The following TRANK1 variants were observed in gnomAD, a reference collection of about 807,000 sequenced individuals.
TRANK1 encodes tetratricopeptide repeat and ankyrin repeat containing 1.
Under a neutral mutation model 266.0 loss-of-function variants are expected in TRANK1, and 198 were observed. The ratio of observed to expected loss-of-function variants is 0.74; its 90% CI spans 0.66 to 0.84. TRANK1 has a LOEUF of 0.84. TRANK1 is among the 40% of genes least tolerant of loss of function. The pLI is 0.00. For missense variants in TRANK1, 3,326 were observed against 3,634.6 expected (o/e 0.92, Z 2.18); for synonymous variants, 1,396 against 1,384.1 (o/e 1.01, Z -0.19).
chr3:36,906,507 C>T (rs1325675708), intron 2 of TRANK1, among the ~76,000 whole-genome samples: 1 of 152,120 alleles, frequency 6.6e-6, no homozygotes, highest in Non-Finnish European at 1.5e-5. Context: ...TTGTGATTAA[C>T]AAATGATGTA....
chr3:36,901,456 T>TTA (rs2079881809), intron 3 of TRANK1, among the ~76,000 whole-genome samples: 1 of 152,172 alleles, frequency 6.6e-6, no homozygotes, highest in Non-Finnish European at 1.5e-5. Flanking sequence ...CTCTTTTCCT[T>TTA]TATCTTGTCG....
At chr3:36,907,558 G>A (rs774477906) in intron 2 of TRANK1, among the ~76,000 whole-genome samples, 5 of 145,372 alleles carry the variant, frequency 3.4e-5, no homozygotes, top group African/African-American at 5.1e-5. Flanking sequence ...TCCACCTCCC[G>A]GGTTCACGCT....
Position 36,828,228 on chromosome 3 carries a change from C to A in TRANK1, c.*47G>T. On this transcript the variant is annotated 3_prime_UTR_variant, in exon 24 of 24. Transcript: ENST00000645898. ...TGCCCCAGCGCTCAGAATTCTAAGT[C>A]AGAATGGAATGTTCCGAAGGATGAG... is the stretch of plus-strand genomic sequence containing the variant. 2 of 1,422,284 alleles carry A rather than the reference C, an allele frequency of 1.4e-6. No homozygotes were observed. The highest frequency in any genetic ancestry group is 2.4e-5 in the South Asian group (2 of 82,780). The allele number at this position is 1,422,284 out of a possible 1,614,324, so 88.1% of individuals were successfully genotyped here.
intron 17 of TRANK1, among the ~76,000 whole-genome samples, chr3:36,845,798 T>C (rs1469751261): frequency 1.3e-5 from 2 of 152,346 alleles, no homozygotes; most frequent in East Asian, 3.9e-4. Flanking sequence ...TTTAGTTTCT[T>C]GTAACTACAA....
chr3:36,939,786 T>G (rs1357693194), intron 1 of TRANK1, among the ~76,000 whole-genome samples: 1 of 152,144 alleles, frequency 6.6e-6, no homozygotes, highest in African/African-American at 2.4e-5. Flanking sequence ...CTCAAAATAT[T>G]TATGTGGGAA....
chr3:36,833,240 C>A lies in TRANK1; in HGVS notation c.6343G>T (p.Glu2115Ter). 6.2e-7 allele frequency: 1 copy of A among 1,614,006 alleles called. No individual in the cohort carries two copies. Among genetic ancestry groups the A allele is most frequent in the Non-Finnish European group, 8.5e-7 (1 of 1,179,900 alleles). Residue 2115 changes from glutamate (E) to a stop codon, truncating the protein, a stop_gained, in exon 22 of 24, where the codon GAG becomes TAG. Coordinates refer to ENST00000645898, the MANE Select transcript of TRANK1 (RefSeq NM_001329998.2). LOFTEE classifies it high-confidence loss of function. ...TCCACCTGGGAAATCCCAAAAAACT[C>A]AAAGCAAGATTTGACCATTTCCTTC... ...AEKEMVKSCF[E>*]FFGISQVDAK...
At chr3:36,879,931 A>G in intron 8 of TRANK1, among the ~76,000 whole-genome samples, 1 of 23,898 alleles carries the variant, frequency 4.2e-5, no homozygotes, top group Non-Finnish European at 7.3e-5. Context: ...TAAACATGCA[A>G]ATATATGTAA....
intron 13 of TRANK1, among the ~76,000 whole-genome samples, chr3:36,854,744 C>T (rs11706780): frequency 0.36 from 54,385 of 151,612 alleles, 10,163 homozygotes; most frequent in African/African-American, 0.42. Context: ...TGTGTGTTAA[C>T]TCCCACTGCC....
At chr3:36,916,130 T>C (rs2080120982) in intron 1 of TRANK1, among the ~76,000 whole-genome samples, 1 of 152,236 alleles carries the variant, frequency 6.6e-6, no homozygotes, top group Non-Finnish European at 1.5e-5. Flanking sequence ...TACTGTACAT[T>C]TGAAATATGA....
intron 17 of TRANK1, among the ~76,000 whole-genome samples, chr3:36,845,799 G>A (rs569772882): frequency 1.3e-5 from 2 of 152,272 alleles, no homozygotes; most frequent in South Asian, 4.1e-4. Context: ...TTAGTTTCTT[G>A]TAACTACAAA....
chr3:36,842,792 C>T, intron 17 of TRANK1, 82 bp from the exon 18 acceptor site: 1 of 1,188,410 alleles, frequency 8.4e-7, no homozygotes, highest in East Asian at 2.5e-5. Flanking sequence ...GTTGCATCTC[C>T]TCCGCCAGCC....
Position 36,833,608 on chromosome 3 carries a change from A to G in TRANK1, c.5975T>C (p.Leu1992Pro). The part of the protein sequence containing the change: ...TADKDFQASC[L>P]LGAARLNVAR... The stretch of plus-strand genomic sequence containing the variant: ...CACATTGAGGCGGGCGGCCCCCAGC[A>G]GACATGAGGCCTGGAAGTCCTTGTC... The change falls in exon 22 of 24, where the codon CTG (leucine) becomes CCG (proline). Residue 1992 changes from leucine to proline, a missense_variant. By Grantham distance (98) the Leu-to-Pro change is moderately conservative (BLOSUM62 -3). Coordinates refer to ENST00000645898, the MANE Select transcript of TRANK1 (RefSeq NM_001329998.2). 1.9e-6 allele frequency: 3 copies of G among 1,613,964 alleles called. No homozygotes were observed. Among genetic ancestry groups the G allele is most frequent in the Non-Finnish European group, 2.5e-6 (3 of 1,179,868 alleles).
chr3:36,846,520 G>C, intron 16 of TRANK1, 116 bp from the exon 17 acceptor site: 1 of 996,494 alleles, frequency 1.0e-6, no homozygotes, highest in Non-Finnish European at 1.5e-6. Flanking sequence ...TTTTAGAGAA[G>C]CATAGCACAG....
chr3:36,931,643 A>C (rs558614893), intron 1 of TRANK1, among the ~76,000 whole-genome samples: 2 of 152,372 alleles, frequency 1.3e-5, no homozygotes, highest in East Asian at 3.9e-4. Flanking sequence ...TCAAGGCTGC[A>C]GTTAGCCATG....
intron 3 of TRANK1, among the ~76,000 whole-genome samples, chr3:36,901,482 T>C (rs1369014244): frequency 2.0e-5 from 3 of 152,206 alleles, no homozygotes; most frequent in Non-Finnish European, 4.4e-5. Flanking sequence ...CCACAATTTA[T>C]TATTCTTTAT....
Position 36,926,734 on chromosome 3 carries a change from A to G in TRANK1, c.23+18053T>C, listed in dbSNP as rs184448056. On this transcript the variant is annotated intron_variant, in intron 1 of 23. Transcript: ENST00000645898. ...TTTCTCTATGGTTGGGAAACAACAA[A>G]GTTAATGCCAGCAAAATTTAGAGTG... 1.5e-4 allele frequency among the ~76,000 whole-genome samples: 23 copies of G among 152,346 alleles called. No individual in the cohort carries two copies. The East Asian group carries it at 4.0e-3, about 27-fold the overall frequency.
At position 36,833,684 on chromosome 3, in the gene TRANK1, G is replaced by A. The variant is rs1278515699; in HGVS notation, c.5899C>T (p.Leu1967=). 3 of 1,614,000 alleles carry A rather than the reference G, an allele frequency of 1.9e-6. No homozygotes were observed. ...AGGCAGCCATGTTGCTTCATCAGCA[G>A]GGCAGCCTCTTCTCTCCTACCTTCC... is the stretch of plus-strand genomic sequence containing the variant. ...NREGRREEAA[L]LMKQHGCLLE... is the part of the protein sequence containing the mutation. Residue 1967 remains leucine, a synonymous_variant, in exon 22 of 24, where the codon CTG becomes TTG. Coordinates refer to ENST00000645898, the MANE Select transcript of TRANK1 (RefSeq NM_001329998.2).
Position 36,828,309 on chromosome 3 carries a change from C to T in TRANK1, c.8876G>A (p.Arg2959His), listed in dbSNP as rs868526644. Residue 2959 changes from arginine to histidine, a missense_variant, in exon 24 of 24, where the codon CGT becomes CAT. Arg to His is a conservative substitution (Grantham distance 29). Coordinates refer to ENST00000645898, the MANE Select transcript of TRANK1 (RefSeq NM_001329998.2). ...EDFGELRPRR[R>H]SRKCGKQRKY ...TCTCTGCTTTCCACATTTCCGAGAACGCCTTCTAGGCCGAAGCTCACCAAA... is the reference window on the plus strand; with the variant it reads ...TCTCTGCTTTCCACATTTCCGAGAATGCCTTCTAGGCCGAAGCTCACCAAA... The T allele has an allele frequency of 5.6e-6, 9 of 1,612,564 alleles. No individual in the cohort carries two copies. Among genetic ancestry groups the T allele is most frequent in the Middle Eastern group, 3.3e-4 (2 of 6,074 alleles).
At chr3:36,914,994 C>T (rs1171909623) in intron 1 of TRANK1, among the ~76,000 whole-genome samples, 1 of 151,862 alleles carries the variant, frequency 6.6e-6, no homozygotes, top group East Asian at 1.9e-4. Flanking sequence ...CTCTGTCACC[C>T]AGGCTGGAGT....
Sources: gnomAD v4.1 joint callset for allele counts (sites outside exome capture counted in the v4.1 genomes callset) on GRCh38, gnomAD v4.1.1 for gene constraint, MANE v1.5 for transcripts, NCBI Gene and HGNC (gene_info 2026-07-23, HGNC 2026-07-21) for gene names.